Variants in MAP4K5 observed in about 807,000 individuals in gnomAD.
MAP4K5 encodes the protein MAPK/ERK kinase kinase kinase 5.
Under a neutral mutation model 135.6 loss-of-function variants are expected in MAP4K5, and 82 were observed. The ratio of observed to expected loss-of-function variants is 0.60; its 90% CI spans 0.51 to 0.73. The LOEUF is 0.73. MAP4K5 is among the 30% of genes least tolerant of loss of function. MAP4K5 has a pLI of 0.00. For synonymous variants in MAP4K5, 347 were observed against 335.0 expected (o/e 1.04, Z -0.39); for missense variants, 907 against 1,010.9 (o/e 0.90, Z 1.39).
rs141796918 is a variant in MAP4K5, at chr14:50,468,485, C to T, written c.674+166G>A. On this transcript the variant is annotated intron_variant, in intron 10 of 32. Transcript: ENST00000682126. ...TGTGAAAAATGAATTGAGGTAACTA[C>T]CTTCGGACTAGCCCACAATAGGTTT... 13 of 615,598 alleles carry T rather than the reference C, an allele frequency of 2.1e-5. No individual in the cohort carries two copies. The East Asian group carries it at 2.2e-4, about 11-fold the overall frequency. 38.1% of individuals were successfully genotyped at this position (615,598 alleles called of 1,614,324 possible). A position where few individuals can be genotyped will look rare whatever the true frequency, so the allele number is the denominator to read the frequency against.
At chr14:50,483,401 G>A (rs1191808204) in intron 5 of MAP4K5, among the ~76,000 whole-genome samples, 1 of 152,086 alleles carries the variant, frequency 6.6e-6, no homozygotes, top group Admixed American at 6.6e-5. Flanking sequence ...AACCAAATCA[G>A]GTAGTCATGT....
At chr14:50,545,545 G>A (rs1369257833) in intron 1 of MAP4K5, among the ~76,000 whole-genome samples, 1 of 152,182 alleles carries the variant, frequency 6.6e-6, no homozygotes, top group Admixed American at 6.5e-5. Context: ...TGGGGAGTAA[G>A]CATGTAGTGC....
chr14:50,460,992 T>C (rs77948244), intron 13 of MAP4K5, among the ~76,000 whole-genome samples: 2,211 of 152,280 alleles, frequency 0.015, 42 homozygotes, highest in African/African-American at 0.051. Context: ...TTGGCATACA[T>C]TGAGTACCCA....
chr14:50,479,919 T>G (rs74894468), intron 6 of MAP4K5, among the ~76,000 whole-genome samples: 9,519 of 152,260 alleles, frequency 0.063, 284 homozygotes, highest in Middle Eastern at 0.078. Flanking sequence ...GGGGCAATTA[T>G]ATGGCTTCCT....
At chr14:50,450,519 C>G (rs535297555) in intron 14 of MAP4K5, 1 of 151,876 alleles carries the variant, frequency 6.6e-6, no homozygotes, top group Admixed American at 6.6e-5. Flanking sequence ...AACAGGTGAA[C>G]GGAACAAGGA....
At chr14:50,525,352 C>T (rs977859143) in intron 2 of MAP4K5, among the ~76,000 whole-genome samples, 11 of 152,204 alleles carry the variant, frequency 7.2e-5, no homozygotes, top group Admixed American at 5.2e-4. Flanking sequence ...TGCCCCTCAC[C>T]GATTACCAGG....
At chr14:50,429,463 T>C (rs1595422305) in intron 28 of MAP4K5, among the ~76,000 whole-genome samples, 1 of 152,144 alleles carries the variant, frequency 6.6e-6, no homozygotes, top group African/African-American at 2.4e-5. Context: ...CTAACTCAGC[T>C]GAAAAAAACC....
chr14:50,522,774 T>C (rs940466470), intron 2 of MAP4K5, among the ~76,000 whole-genome samples: 7 of 152,184 alleles, frequency 4.6e-5, no homozygotes, highest in South Asian at 4.1e-4. Context: ...GCTGTGTTAC[T>C]ATCAAAAAAT....
chr14:50,506,225 A>T (rs958293034), intron 2 of MAP4K5, among the ~76,000 whole-genome samples: 15 of 152,240 alleles, frequency 9.9e-5, no homozygotes, highest in African/African-American at 3.6e-4. Context: ...AAGAATGATA[A>T]AGTAGGGAAG....
At chr14:50,548,943 C>A (rs951069024) in intron 1 of MAP4K5, among the ~76,000 whole-genome samples, 8 of 152,194 alleles carry the variant, frequency 5.3e-5, no homozygotes, top group African/African-American at 1.9e-4. Flanking sequence ...AAACTGCCTA[C>A]CCCATAAAAG....
chr14:50,557,058 C>G (rs1421260672), intron 1 of MAP4K5, among the ~76,000 whole-genome samples: 1 of 152,144 alleles, frequency 6.6e-6, no homozygotes, highest in Non-Finnish European at 1.5e-5. Flanking sequence ...TTTTGAGGAA[C>G]TGCTAGACTT....
intron 3 of MAP4K5, among the ~76,000 whole-genome samples, chr14:50,495,014 T>C (rs1454216503): frequency 6.6e-6 from 1 of 152,188 alleles, no homozygotes; most frequent in Non-Finnish European, 1.5e-5. Context: ...TGACATCAGA[T>C]TTGGCAGTTA....
chr14:50,516,219 C>G (rs2038030123), intron 2 of MAP4K5, among the ~76,000 whole-genome samples: 2 of 152,194 alleles, frequency 1.3e-5, no homozygotes, highest in Non-Finnish European at 2.9e-5. Context: ...AATAGCAAGT[C>G]AAGAATAATT....
rs193017182 is a variant in MAP4K5, at chr14:50,552,899, A to G, written c.-180+8141T>C. Among the ~76,000 whole-genome samples the G allele has an allele frequency of 2.6e-5, 4 of 152,378 alleles. No individual in the cohort carries two copies. In the East Asian group the frequency reaches 7.7e-4, roughly 29 times the overall value. On this transcript the variant is annotated intron_variant, in intron 1 of 8. Transcript: ENST00000555216. ...AGACTTAAACCTAAGAACTGAAACC[A>G]CAAAGATTCTAGAAGATAACATCAG...
intron 9 of MAP4K5, among the ~76,000 whole-genome samples, chr14:50,469,581 A>G (rs2036910234): frequency 6.6e-6 from 1 of 152,244 alleles, no homozygotes; most frequent in South Asian, 2.1e-4. Context: ...GAAATCAGTC[A>G]GGCAGATATG....
chr14:50,516,891 A>G (rs1023752710), intron 2 of MAP4K5, among the ~76,000 whole-genome samples: 49 of 152,324 alleles, frequency 3.2e-4, no homozygotes, highest in Middle Eastern at 3.4e-3. Context: ...TTGAGTCCCT[A>G]TGAAAGTCAG....
At chr14:50,427,186 T>TA (rs1365678179) in intron 30 of MAP4K5, among the ~76,000 whole-genome samples, 1 of 152,202 alleles carries the variant, frequency 6.6e-6, no homozygotes, top group Admixed American at 6.5e-5. Flanking sequence ...GTGTAACAAT[T>TA]AAAATTACGA....
rs761011252 is a variant in MAP4K5 at position 50,531,946 on chromosome 14, T to C, written c.104A>G (p.Tyr35Cys). ...AGCACGGCCAGCCTCACTTACCTTA[T>C]AGACGTCCCCGTAGGTGCCGCTGCC... ...RVGSGTYGDV[Y>C]KARNVHTGEL... The change falls in exon 2 of 33, where the codon TAT (tyrosine) becomes TGT (cysteine). Residue 35 changes from tyrosine to cysteine, a missense_variant. Tyr to Cys is a radical substitution (Grantham distance 194, BLOSUM62 -2). Around this residue, in one of 3 missense-constraint regions of MAP4K5, gnomAD observed 196 missense variants for 189.3 expected, o/e 1.04. Coordinates refer to ENST00000682126, the MANE Select transcript of MAP4K5 (RefSeq NM_006575.6). The C allele has an allele frequency of 3.6e-5, 57 of 1,594,620 alleles. No individual in the cohort carries two copies. Among genetic ancestry groups the C allele is most frequent in the Non-Finnish European group, 4.2e-5 (49 of 1,169,852 alleles).
At chr14:50,466,863 T>C (rs185331747) in intron 10 of MAP4K5, among the ~76,000 whole-genome samples, 71 of 152,290 alleles carry the variant, frequency 4.7e-4, no homozygotes, top group African/African-American at 1.6e-3. Flanking sequence ...CAAGTCCTTA[T>C]TCACAAAGCA....
Sources: allele counts gnomAD v4.1 joint callset (sites outside exome capture counted in the v4.1 genomes callset), GRCh38; gene constraint gnomAD v4.1.1; regional missense constraint gnomAD v4.1.1; transcripts MANE v1.5; gene names NCBI Gene and HGNC (gene_info 2026-07-23, HGNC 2026-07-21).